The following TF variants were observed in gnomAD, a reference collection of about 807,000 sequenced individuals.
The protein encoded by TF is serotransferrin.
In TF, 55 loss-of-function variants were observed where a neutral mutation model predicts 82.4. The observed-to-expected ratio is 0.67, with a 90% CI of 0.54 to 0.84. The LOEUF (loss-of-function observed/expected upper bound fraction) is 0.84. Among genes scored for constraint, TF ranks in the 40% least tolerant of loss-of-function variants. The probability of loss-of-function intolerance (pLI) is 0.00; values close to 1 mark genes in which losing one functional copy is unlikely to be tolerated. For synonymous variants in TF, 332 were observed against 332.6 expected (o/e 1.00, Z 0.02); for missense variants, 737 against 868.4 (o/e 0.85, Z 1.90).
At chr3:133,667,914 G>A in the TF span, among the ~76,000 whole-genome samples, 3 of 152,174 alleles carry the variant, frequency 2.0e-5, no homozygotes, top group African/African-American at 7.2e-5. Context: ...GAATATAAAA[G>A]CACTAGCTGC....
the TF span, among the ~76,000 whole-genome samples, chr3:133,697,779 C>T: frequency 3.3e-5 from 5 of 152,180 alleles, no homozygotes; most frequent in East Asian, 5.8e-4. Context: ...AGATTTAAAA[C>T]GTATTTTCTA....
chr3:133,716,040 C>A, the TF span, among the ~76,000 whole-genome samples: 1 of 152,162 alleles, frequency 6.6e-6, no homozygotes, highest in African/African-American at 2.4e-5. Flanking sequence ...TTCTGGAATA[C>A]CACACTCTCT....
In TF at chr3:133,784,471, A is replaced by AATAATAAT. The variant is rs1553741976; in HGVS notation, c.*5852_*5853insTAATAATA. 10 of 105,596 alleles carry AATAATAAT rather than the reference A, an allele frequency of 9.5e-5. No homozygotes were observed. Among genetic ancestry groups the AATAATAAT allele is most frequent in the Admixed American group, 1.8e-4 (2 of 11,240 alleles). The allele number at this position is 105,596 out of a possible 1,614,324, so 6.5% of individuals were successfully genotyped here. ...TCTTGTAAATTCCCATTTGTTAAAA[A>AATAATAAT]AATAATAATAATAATAATAATAATA... On this transcript the variant is annotated 3_prime_UTR_variant, in exon 17 of 17. Transcript: ENST00000402696.
the TF span, among the ~76,000 whole-genome samples, chr3:133,672,329 A>G: frequency 6.6e-6 from 1 of 152,202 alleles, no homozygotes; most frequent in African/African-American, 2.4e-5. Flanking sequence ...CTTCCAGAGA[A>G]TAAGAAAAGA....
At position 133,754,695 on chromosome 3, in the gene TF, C is replaced by A. The variant is rs758912543; in HGVS notation, c.502+24C>A. The A allele has an allele frequency of 3.7e-6, 6 of 1,613,570 alleles. No homozygotes were observed. The East Asian group carries it at 1.3e-4, about 36-fold the overall frequency. On this transcript the variant is annotated intron_variant, in intron 4 of 16. Transcript: ENST00000402696. ...AGGTAAGCTGGCAGGAGTCTGGGTG[C>A]CCTCGAGCAGCTGCCTCTGCTCCAG...
the TF span, among the ~76,000 whole-genome samples, chr3:133,695,419 TG>T: frequency 1.1e-4 from 17 of 152,254 alleles, no homozygotes; most frequent in Admixed American, 1.1e-3. Context: ...AGCTAATTTT[TG>T]TATTTTTAGC....
the TF span, among the ~76,000 whole-genome samples, chr3:133,683,782 A>G: frequency 6.6e-6 from 1 of 152,242 alleles, no homozygotes. Context: ...TGTCAACATT[A>G]GACAGATCAA....
the TF span, among the ~76,000 whole-genome samples, chr3:133,688,625 C>T: frequency 6.6e-6 from 1 of 152,098 alleles, no homozygotes; most frequent in Non-Finnish European, 1.5e-5. Flanking sequence ...CAGTAAAATA[C>T]CTATGTCAAG....
chr3:133,774,838 G>A (rs954819335), intron 14 of TF: 15 of 247,202 alleles, frequency 6.1e-5, no homozygotes, highest in Non-Finnish European at 8.9e-5. Context: ...GGAGGAAGGA[G>A]CTGAAACCCT....
At chr3:133,732,584 G>C in the TF span, among the ~76,000 whole-genome samples, 1 of 152,142 alleles carries the variant, frequency 6.6e-6, no homozygotes, top group African/African-American at 2.4e-5. Context: ...TTGCTGCTGC[G>C]CACTGTTTGG....
chr3:133,729,690 TC>T, the TF span, among the ~76,000 whole-genome samples: 1,405 of 152,230 alleles, frequency 9.2e-3, 13 homozygotes, highest in South Asian at 0.034. Context: ...TGTCTGGCAC[TC>T]CCTAGTGAGA....
chr3:133,737,795 A>G, the TF span, among the ~76,000 whole-genome samples: 1 of 152,208 alleles, frequency 6.6e-6, no homozygotes, highest in Non-Finnish European at 1.5e-5. Flanking sequence ...GACCAATAAC[A>G]AGTTCTGAAA....
chr3:133,685,427 T>C, the TF span, among the ~76,000 whole-genome samples: 24 of 152,208 alleles, frequency 1.6e-4, no homozygotes, highest in African/African-American at 5.8e-4. Flanking sequence ...TGTGGGCAGA[T>C]GATATGATTG....
the TF span, among the ~76,000 whole-genome samples, chr3:133,689,796 A>G: frequency 6.6e-6 from 1 of 152,238 alleles, no homozygotes; most frequent in East Asian, 1.9e-4. Flanking sequence ...GATAGACATT[A>G]GGGCACGAGG....
At chr3:133,732,811 C>A in the TF span, among the ~76,000 whole-genome samples, 3 of 139,084 alleles carry the variant, frequency 2.2e-5, no homozygotes, top group African/African-American at 8.4e-5. Flanking sequence ...AATGAACCCA[C>A]CAATTCCGGA....
intron 2 of TF, among the ~76,000 whole-genome samples, chr3:133,750,038 T>C (rs1421743459): frequency 6.6e-6 from 1 of 152,240 alleles, no homozygotes; most frequent in Non-Finnish European, 1.5e-5. Context: ...CTATCCATCC[T>C]GATGATTGTG....
At chr3:133,727,661 A>C in the TF span, among the ~76,000 whole-genome samples, 183 of 117,276 alleles carry the variant, frequency 1.6e-3, 1 homozygote, top group African/African-American at 5.9e-3. Context: ...TTACATTTAA[A>C]GTTAATATTG....
At chr3:133,764,365 G>A (rs878988566) in intron 10 of TF, 90 bp downstream of exon 10, 7 of 1,120,162 alleles carry the variant, frequency 6.2e-6, no homozygotes, top group African/African-American at 1.5e-5. Context: ...TCATACCACA[G>A]CTGCCATAAA....
At chr3:133,736,648 A>AAAAAAAAAAAAAC in the TF span, among the ~76,000 whole-genome samples, 1 of 150,168 alleles carries the variant, frequency 6.7e-6, no homozygotes, top group Non-Finnish European at 1.5e-5. Context: ...AAAAAAAAAA[A>AAAAAAAAAAAAAC]AAAGCAGGGG....
Sources: allele counts gnomAD v4.1 joint callset (sites outside exome capture counted in the v4.1 genomes callset), GRCh38; gene constraint gnomAD v4.1.1; transcripts MANE v1.5; gene names NCBI Gene and HGNC (gene_info 2026-07-23, HGNC 2026-07-21).